COL3A1: variants seen among roughly 807,000 people sequenced by gnomAD.
COL3A1 encodes the protein collagen type III alpha 1 chain, also known as collagen alpha-1(III) chain.
Under a neutral mutation model 200.9 loss-of-function variants are expected in COL3A1, and 46 were observed. That is an observed-to-expected ratio of 0.23 (90% CI 0.18 to 0.29). The LOEUF is 0.29. Ranked by LOEUF, COL3A1 falls within the 10% of genes least tolerant of loss-of-function variation. The probability of loss-of-function intolerance (pLI) is 1.00; values close to 1 mark genes in which losing one functional copy is unlikely to be tolerated. For synonymous variants in COL3A1, 650 were observed against 628.0 expected (o/e 1.03, Z -0.52); for missense variants, 1,367 against 1,917.6 (o/e 0.71, Z 5.36).
At chr2:188,993,985 A>T (rs1334680346) in intron 16 of COL3A1, 53 bp from the exon 17 acceptor site, 1 of 1,539,178 alleles carries the variant, frequency 6.5e-7, no homozygotes, top group Non-Finnish European at 9.0e-7. Context: ...CTTCAAATAT[A>T]TACGAACTAT....
At chr2:188,992,355 C>T (rs1688207452) in intron 14 of COL3A1, 127 bp downstream of exon 14, 4 of 811,012 alleles carry the variant, frequency 4.9e-6, no homozygotes, top group Non-Finnish European at 7.9e-6. Flanking sequence ...CTCTAATATA[C>T]ACATTAGCAT....
chr2:188,977,879 A>G (rs964273477), intron 1 of COL3A1, among the ~76,000 whole-genome samples: 2 of 152,072 alleles, frequency 1.3e-5, no homozygotes, highest in Non-Finnish European at 2.9e-5. Flanking sequence ...TATAGAGAGT[A>G]GTACGTTAAT....
At chr2:188,974,748 C>T (rs1687772261) in intron 1 of COL3A1, among the ~76,000 whole-genome samples, 180 bp downstream of exon 1, 1 of 152,088 alleles carries the variant, frequency 6.6e-6, no homozygotes, top group Admixed American at 6.6e-5. Context: ...AAAATAATCG[C>T]GTTATGTGTG....
In COL3A1 at chr2:189,006,957, T is replaced by G. The variant is rs1060503873; in HGVS notation, c.3222T>G (p.Gly1074=). Residue 1074 remains glycine (G), a synonymous_variant, in exon 44 of 51, where the codon GGT becomes GGG. Coordinates refer to ENST00000304636, the MANE Select transcript of COL3A1 (RefSeq NM_000090.4). ...RGESGPAGPA[G]APGPAGSRGA... The stretch of plus-strand genomic sequence containing the variant: ...CTTAGGGCCCTGCTGGCCCTGCTGG[T>G]GCTCCCGGTCCTGCTGGTTCCCGAG... The G allele has an allele frequency of 6.2e-7, 1 of 1,613,488 alleles. No individual in the cohort carries two copies. The highest frequency in any genetic ancestry group is 8.5e-7 in the Non-Finnish European group (1 of 1,179,860).
intron 4 of COL3A1, among the ~76,000 whole-genome samples, chr2:188,986,296 G>C (rs141136867): frequency 6.0e-4 from 91 of 152,048 alleles, no homozygotes; most frequent in African/African-American, 2.0e-3. Flanking sequence ...TAAATCTGCA[G>C]GTAAAACAAC....
chr2:188,986,999 T>C, intron 4 of COL3A1, 60 bp from the exon 5 acceptor site: 1 of 1,497,364 alleles, frequency 6.7e-7, no homozygotes, highest in Non-Finnish European at 9.3e-7. Flanking sequence ...CTAAATGCTT[T>C]TTAAAAGAAT....
chr2:188,986,748 T>C (rs1688072696), intron 4 of COL3A1, among the ~76,000 whole-genome samples: 1 of 152,056 alleles, frequency 6.6e-6, no homozygotes, highest in Admixed American at 6.6e-5. Context: ...ATCCTATGTT[T>C]GTAATGATGT....
chr2:188,985,819 T>C, intron 4 of COL3A1, 41 bp downstream of exon 4: 1 of 1,315,380 alleles, frequency 7.6e-7, no homozygotes. Flanking sequence ...CTCATAAAAC[T>C]ATCTAGTTCA....
chr2:188,990,859 C>T, intron 10 of COL3A1, 145 bp from the exon 11 acceptor site: 2 of 794,774 alleles, frequency 2.5e-6, no homozygotes, highest in Non-Finnish European at 4.3e-6. Context: ...TATCTTCAAC[C>T]CCTTTAAACA....
chr2:188,974,842 G>C (rs1028111853), intron 1 of COL3A1, among the ~76,000 whole-genome samples: 1 of 152,108 alleles, frequency 6.6e-6, no homozygotes, highest in African/African-American at 2.4e-5. Context: ...TTTAAAAATG[G>C]CTTTAAAATT....
intron 6 of COL3A1, 49 bp from the exon 7 acceptor site, chr2:188,988,541 A>G (rs1688110307): frequency 4.0e-6 from 5 of 1,250,614 alleles, no homozygotes; most frequent in East Asian, 2.4e-5. Flanking sequence ...TAAATGAATT[A>G]TATGAAGATT....
Position 188,992,211 on chromosome 2 carries a change from G to A in COL3A1, c.979G>A (p.Gly327Ser). 2 of 1,613,854 alleles carry A rather than the reference G, an allele frequency of 1.2e-6. No homozygotes were observed. Among genetic ancestry groups the A allele is most frequent in the South Asian group, 2.2e-5 (2 of 91,076 alleles). ...TGCTCGGGGTAATGACGGTGCTCGA[G>A]GCAGTGATGGTCAACCAGTAAGTAA... ...AGARGNDGAR[G>S]SDGQPGPPGP... Residue 327 changes from glycine to serine, a missense_variant, in exon 14 of 51, where the codon GGC becomes AGC. Transcript: ENST00000304636.
At chr2:188,987,172 TTTA>T in intron 5 of COL3A1, 33 bp downstream of exon 5, 1 of 1,542,080 alleles carries the variant, frequency 6.5e-7, no homozygotes, top group Non-Finnish European at 9.0e-7. Context: ...ATTTTGGAGC[TTTA>T]TTATCTTTCT....
At chr2:188,980,287 T>G (rs181786763) in intron 1 of COL3A1, among the ~76,000 whole-genome samples, 1 of 151,350 alleles carries the variant, frequency 6.6e-6, no homozygotes, top group African/African-American at 2.4e-5. Context: ...TTTCTAATTA[T>G]CTAATTATTT....
In COL3A1 at chr2:188,994,372, A is replaced by G. The variant is rs1310684206; in HGVS notation, c.1293+40A>G. ...TTTTTCTCTGTTGACTGAAAGGTATAGTTTAATTCCATCAACAAAAAATTA... is the reference window on the plus strand; with the variant it reads ...TTTTTCTCTGTTGACTGAAAGGTATGGTTTAATTCCATCAACAAAAAATTA... On this transcript the variant is annotated intron_variant, in intron 18 of 50. Coordinates refer to ENST00000304636, the MANE Select transcript of COL3A1 (RefSeq NM_000090.4). The surrounding 1 kb of genome is among the most constrained non-coding windows in gnomAD (Gnocchi z 4.5). The G allele has an allele frequency of 1.2e-6, 2 of 1,609,688 alleles. No individual in the cohort carries two copies.
At chr2:188,998,824 A>G (rs1187108560) in intron 29 of COL3A1, 106 bp downstream of exon 29, 13 of 1,004,306 alleles carry the variant, frequency 1.3e-5, no homozygotes, top group Non-Finnish European at 1.2e-5. Context: ...TTAAAAGAGC[A>G]TCATTGCAAA....
chr2:188,979,121 A>C (rs1488352392), intron 1 of COL3A1, among the ~76,000 whole-genome samples: 1 of 152,006 alleles, frequency 6.6e-6, no homozygotes, highest in Non-Finnish European at 1.5e-5. Context: ...AAAGATCCAG[A>C]AATTATTAAA....
At chr2:188,996,312 A>ACACT in intron 23 of COL3A1, 86 bp from the exon 24 acceptor site, 1 of 995,944 alleles carries the variant, frequency 1.0e-6, no homozygotes, top group African/African-American at 1.7e-5. Flanking sequence ...ATATACACAC[A>ACACT]CACACACACA....
Position 189,008,973 on chromosome 2 carries a change from C to T in COL3A1, c.3575C>T (p.Ala1192Val). 2.5e-6 allele frequency: 4 copies of T among 1,614,184 alleles called. No homozygotes were observed. Among genetic ancestry groups the T allele is most frequent in the Non-Finnish European group, 2.5e-6 (3 of 1,180,030 alleles). The change falls in exon 48 of 51, where the codon GCC (alanine) becomes GTC (valine). Residue 1192 changes from alanine to valine, a missense_variant. Ala to Val is a moderately conservative substitution (Grantham distance 64). Transcript: ENST00000304636. ...CCAGGCCCTCCTGGACCTCCTGGTG[C>T]CCCTGGTCCTTGCTGTGGTGGTGTT... ...GQPGPPGPPG[A>V]PGPCCGGVGA...
Sources: allele counts gnomAD v4.1 joint callset (sites outside exome capture counted in the v4.1 genomes callset), GRCh38; gene constraint gnomAD v4.1.1; non-coding constraint Gnocchi (gnomAD v3.1); transcripts MANE v1.5; gene names NCBI Gene and HGNC (gene_info 2026-07-23, HGNC 2026-07-21).